Variants in SLC35F1 observed in about 807,000 individuals in gnomAD.
The protein encoded by SLC35F1 is chromosome 6 open reading frame 169.
SLC35F1 carries 14 observed loss-of-function variants against 48.7 expected under a neutral mutation model. The observed-to-expected ratio is 0.29, with a 90% CI of 0.19 to 0.45. SLC35F1 has a LOEUF of 0.45. SLC35F1 is among the 20% of genes least tolerant of loss of function. The pLI, the probability that SLC35F1 is intolerant of heterozygous loss-of-function variation, is 1.00. For synonymous variants in SLC35F1, 190 were observed against 202.2 expected (o/e 0.94, Z 0.51); for missense variants, 404 against 500.0 (o/e 0.81, Z 1.83).
chr6:117,941,760 A>G (rs1776236154), intron 1 of SLC35F1, among the ~76,000 whole-genome samples: 1 of 152,242 alleles, frequency 6.6e-6, no homozygotes, highest in Non-Finnish European at 1.5e-5. Flanking sequence ...AACACCATTT[A>G]TATTTAATAG....
rs560175776 is a variant in SLC35F1, at chr6:118,094,278, A to G, written c.174-60167A>G. On this transcript the variant is annotated intron_variant, in intron 1 of 7. Transcript: ENST00000360388. ...GAGAATGTTCTTCCATTGAAACATT[A>G]GAGAAAACAGAATATAATGGGACCA... 3.3e-5 allele frequency among the ~76,000 whole-genome samples: 5 copies of G among 152,322 alleles called. No homozygotes were observed. The South Asian group carries it at 1.0e-3, about 32-fold the overall frequency.
At chr6:118,300,502 A>T (rs1158297162) in intron 7 of SLC35F1, among the ~76,000 whole-genome samples, 2 of 152,198 alleles carry the variant, frequency 1.3e-5, no homozygotes, top group African/African-American at 2.4e-5. Context: ...CCATTTTTAT[A>T]ATCACAAAAC....
At position 118,192,674 on chromosome 6, in the gene SLC35F1, C is replaced by T. The variant is rs568288139; in HGVS notation, c.349+38054C>T. ...CAGACATATTAGAATTTTAGAAATC[C>T]CATACAATTTTGGAACATATTGATG... On this transcript the variant is annotated intron_variant, in intron 2 of 7. Transcript: ENST00000360388. 1.8e-4 allele frequency among the ~76,000 whole-genome samples: 27 copies of T among 151,996 alleles called. No homozygotes were observed. In the South Asian group the frequency reaches 4.8e-3, roughly 27 times the overall value.
At chr6:118,231,339 A>G (rs908452019) in intron 2 of SLC35F1, among the ~76,000 whole-genome samples, 1 of 152,204 alleles carries the variant, frequency 6.6e-6, no homozygotes, top group Non-Finnish European at 1.5e-5. Context: ...TCAAAACATT[A>G]GCATATTACC....
intron 1 of SLC35F1, among the ~76,000 whole-genome samples, chr6:117,962,481 C>G (rs1776511015): frequency 6.6e-6 from 1 of 152,198 alleles, no homozygotes; most frequent in Non-Finnish European, 1.5e-5. Flanking sequence ...CCACCACACA[C>G]ACAAACACAC....
intron 2 of SLC35F1, among the ~76,000 whole-genome samples, chr6:118,227,170 G>A (rs1014196125): frequency 6.6e-6 from 1 of 152,158 alleles, no homozygotes. Context: ...TGAGAAGGCT[G>A]CTTTCTGGAG....
chr6:117,989,695 G>A (rs1054143706), intron 1 of SLC35F1, among the ~76,000 whole-genome samples: 1 of 152,014 alleles, frequency 6.6e-6, no homozygotes, highest in Non-Finnish European at 1.5e-5. Context: ...ACTTAATGTT[G>A]GATTTAATTC....
At chr6:118,162,961 C>CTT (rs574750899) in intron 2 of SLC35F1, among the ~76,000 whole-genome samples, 28,548 of 143,210 alleles carry the variant, frequency 0.2, 3,102 homozygotes, top group East Asian at 0.37. Flanking sequence ...TCTTTTCTTT[C>CTT]TTTTTTTTTT....
At chr6:117,990,195 T>C (rs1050316008) in intron 1 of SLC35F1, among the ~76,000 whole-genome samples, 2 of 152,212 alleles carry the variant, frequency 1.3e-5, no homozygotes, top group Non-Finnish European at 1.5e-5. Context: ...CATTCCAGTG[T>C]ACTTCTGAAT....
At chr6:118,123,879 T>C (rs1057016421) in intron 1 of SLC35F1, among the ~76,000 whole-genome samples, 2 of 152,164 alleles carry the variant, frequency 1.3e-5, no homozygotes, top group South Asian at 2.1e-4. Flanking sequence ...GGAATCTGTT[T>C]AGTGAGCTCA....
chr6:117,931,442 A>G (rs1258744539), intron 1 of SLC35F1, among the ~76,000 whole-genome samples: 1 of 152,154 alleles, frequency 6.6e-6, no homozygotes, highest in African/African-American at 2.4e-5. Context: ...AGTTGACTGA[A>G]TTATTTTCAC....
intron 1 of SLC35F1, among the ~76,000 whole-genome samples, chr6:117,933,637 T>C (rs1399906164): frequency 6.6e-6 from 1 of 152,064 alleles, no homozygotes; most frequent in Non-Finnish European, 1.5e-5. Context: ...GAAAGCAGGA[T>C]AGAGAAAGCT....
chr6:117,918,819 C>T (rs1367550305), intron 1 of SLC35F1, among the ~76,000 whole-genome samples: 1 of 151,826 alleles, frequency 6.6e-6, no homozygotes, highest in East Asian at 1.9e-4. Flanking sequence ...TTTGAGGGGG[C>T]TCAGTAGGAC....
intron 2 of SLC35F1, among the ~76,000 whole-genome samples, chr6:118,223,935 T>C (rs1206072090): frequency 3.3e-5 from 5 of 152,224 alleles, no homozygotes. Flanking sequence ...CATTAGCTGC[T>C]CCATGGCTCT....
chr6:118,124,651 C>G (rs1227802365), intron 1 of SLC35F1, among the ~76,000 whole-genome samples: 1 of 152,118 alleles, frequency 6.6e-6, no homozygotes, highest in East Asian at 1.9e-4. Flanking sequence ...CCCAGGGTGA[C>G]CTATCATGAC....
intron 7 of SLC35F1, among the ~76,000 whole-genome samples, chr6:118,286,171 A>G (rs1364357787): frequency 6.6e-6 from 1 of 152,174 alleles, no homozygotes; most frequent in Non-Finnish European, 1.5e-5. Context: ...TGGAATGTCC[A>G]AGCAGATAAG....
chr6:118,246,507 C>G (rs182615677), intron 3 of SLC35F1, among the ~76,000 whole-genome samples: 1 of 152,148 alleles, frequency 6.6e-6, no homozygotes, highest in African/African-American at 2.4e-5. Flanking sequence ...GGCTCTACCC[C>G]GTGACAGACA....
chr6:118,001,828 C>T (rs992703505), intron 1 of SLC35F1, among the ~76,000 whole-genome samples: 1 of 151,928 alleles, frequency 6.6e-6, no homozygotes, highest in African/African-American at 2.4e-5. Flanking sequence ...GACATTTATG[C>T]AGCCAAAAAA....
At chr6:117,958,068 A>G (rs1029545695) in intron 1 of SLC35F1, among the ~76,000 whole-genome samples, 1 of 152,218 alleles carries the variant, frequency 6.6e-6, no homozygotes, top group East Asian at 1.9e-4. Context: ...AGACAGTGAT[A>G]TTGATTATCC....
Sources: allele counts gnomAD v4.1 joint callset (sites outside exome capture counted in the v4.1 genomes callset), GRCh38; gene constraint gnomAD v4.1.1; transcripts MANE v1.5; gene names NCBI Gene and HGNC (gene_info 2026-07-23, HGNC 2026-07-21).